RORA: variants seen among roughly 807,000 people sequenced by gnomAD.
The protein encoded by RORA is RAR related orphan receptor A.
Under a neutral mutation model 69.5 loss-of-function variants are expected in RORA, and 7 were observed. That is an observed-to-expected ratio of 0.10 (90% CI 0.06 to 0.19). The LOEUF is 0.19. Ranked by LOEUF, RORA falls within the 10% of genes least tolerant of loss-of-function variation. The pLI is 1.00. For synonymous variants in RORA, 261 were observed against 240.8 expected (o/e 1.08, Z -0.78); for missense variants, 457 against 663.0 (o/e 0.69, Z 3.41).
intron 2 of RORA, among the ~76,000 whole-genome samples, chr15:60,565,724 C>T (rs540359075): frequency 6.6e-6 from 1 of 152,186 alleles, no homozygotes. Context: ...TTGGTACAAA[C>T]ATATATAGAT....
chr15:60,656,362 G>A (rs773936092), intron 2 of RORA, among the ~76,000 whole-genome samples: 11 of 152,182 alleles, frequency 7.2e-5, no homozygotes, highest in South Asian at 2.1e-4. Flanking sequence ...TACAAAAACA[G>A]ACAGACACCA....
intron 1 of RORA, among the ~76,000 whole-genome samples, chr15:61,015,000 GATTCTCAGC>G (rs1403529112): frequency 5.3e-5 from 8 of 152,076 alleles, no homozygotes; most frequent in African/African-American, 1.9e-4. Context: ...CAGCATCTTT[GATTCTCAGC>G]ATTTACAGCA....
intron 1 of RORA, among the ~76,000 whole-genome samples, chr15:61,066,947 C>T (rs2078269764): frequency 6.9e-6 from 1 of 145,166 alleles, no homozygotes; most frequent in Admixed American, 6.9e-5. Flanking sequence ...CCACTGAGCA[C>T]TGTCATTTTT....
At chr15:61,016,752 C>T (rs1895303645) in intron 1 of RORA, among the ~76,000 whole-genome samples, 1 of 152,100 alleles carries the variant, frequency 6.6e-6, no homozygotes, top group African/African-American at 2.4e-5. Context: ...AGACAAGTCA[C>T]TGGGCAATTA....
At chr15:60,641,987 T>C (rs2069952876) in intron 2 of RORA, among the ~76,000 whole-genome samples, 1 of 152,190 alleles carries the variant, frequency 6.6e-6, no homozygotes, top group African/African-American at 2.4e-5. Flanking sequence ...GCAAACCTAT[T>C]TAGAGTTTGC....
chr15:60,535,539 T>C (rs1266317566), intron 2 of RORA, among the ~76,000 whole-genome samples: 1 of 152,162 alleles, frequency 6.6e-6, no homozygotes, highest in Non-Finnish European at 1.5e-5. Flanking sequence ...TAGGCTGTCA[T>C]TTAGCACTGC....
At chr15:60,818,782 G>T (rs543452489) in intron 1 of RORA, among the ~76,000 whole-genome samples, 1 of 152,284 alleles carries the variant, frequency 6.6e-6, no homozygotes, top group East Asian at 1.9e-4. Flanking sequence ...TTGGCTCTTG[G>T]TTTGTCTTTC....
At chr15:60,624,717 CT>C (rs1049700525) in intron 2 of RORA, among the ~76,000 whole-genome samples, 6 of 151,838 alleles carry the variant, frequency 4.0e-5, no homozygotes, top group African/African-American at 1.5e-4. Flanking sequence ...TCCTGGTCAC[CT>C]TTCAGGCAAT....
At position 60,790,963 on chromosome 15, in the gene RORA, GC is replaced by G. The variant is rs35079596; in HGVS notation, c.167-112278del. On this transcript the variant is annotated intron_variant, in intron 1 of 10. Transcript: ENST00000335670. ...TATGACCTTCAGAGGCCCTAGAAAC[GC>G]CCCCCCATTGCCCCCCCAAAAAGCT... 6.7e-4 allele frequency among the ~76,000 whole-genome samples: 102 copies of G among 151,734 alleles called. 1 individual carries two copies. The East Asian group carries it at 9.7e-3, about 14-fold the overall frequency.
At chr15:60,719,441 T>G (rs911959572) in intron 1 of RORA, among the ~76,000 whole-genome samples, 4 of 152,016 alleles carry the variant, frequency 2.6e-5, no homozygotes, top group African/African-American at 9.7e-5. Flanking sequence ...ATTTTCACAA[T>G]AAAAGATTAA....
At chr15:60,518,603 G>A (rs892935353) in intron 3 of RORA, among the ~76,000 whole-genome samples, 1 of 152,150 alleles carries the variant, frequency 6.6e-6, no homozygotes, top group Non-Finnish European at 1.5e-5. Flanking sequence ...TACGCTTCTC[G>A]CCATGATTCC....
At chr15:61,074,419 C>G (rs1350528456) in intron 1 of RORA, among the ~76,000 whole-genome samples, 1 of 152,194 alleles carries the variant, frequency 6.6e-6, no homozygotes, top group Non-Finnish European at 1.5e-5. Context: ...ACAATCCACT[C>G]AGTGATACAG....
chr15:60,601,973 T>C (rs1596042253), intron 2 of RORA, among the ~76,000 whole-genome samples: 1 of 152,168 alleles, frequency 6.6e-6, no homozygotes, highest in South Asian at 2.1e-4. Flanking sequence ...ACAGTATACA[T>C]TATTGAGAAA....
chr15:61,171,443 G>C (rs754080102), intron 1 of RORA, among the ~76,000 whole-genome samples: 8 of 152,140 alleles, frequency 5.3e-5, no homozygotes, highest in Non-Finnish European at 1.0e-4. Flanking sequence ...TTTCAAATAA[G>C]AACCCAGGTG....
In RORA at chr15:61,226,673, A is replaced by T. The variant is rs1301479210; in HGVS notation, c.166+2380T>A. Among the ~76,000 whole-genome samples, 4 of 152,230 alleles carry T rather than the reference A, an allele frequency of 2.6e-5. No homozygotes were observed. Among genetic ancestry groups the T allele is most frequent in the Non-Finnish European group, 5.9e-5 (4 of 68,046 alleles). On this transcript the variant is annotated intron_variant, in intron 1 of 10. Coordinates refer to ENST00000335670, the MANE Select transcript of RORA (RefSeq NM_134261.3). The surrounding 1 kb of genome is among the most constrained non-coding windows in gnomAD (Gnocchi z 4.2). ...ATCTGAGGTTAAAGTCTGCAAATGC[A>T]CATAATTTCTGGAAGCTATTACTAC...
chr15:60,974,082 G>A (rs755720959), intron 1 of RORA, among the ~76,000 whole-genome samples: 2 of 152,206 alleles, frequency 1.3e-5, no homozygotes, highest in Non-Finnish European at 2.9e-5. Flanking sequence ...GGGGGTAAAT[G>A]AGCAGATGAA....
intron 1 of RORA, among the ~76,000 whole-genome samples, chr15:60,913,333 C>T (rs573435634): frequency 6.6e-6 from 1 of 152,330 alleles, no homozygotes; most frequent in Admixed American, 6.5e-5. Flanking sequence ...CCTCTGGTTT[C>T]TAGAGCCAGT....
chr15:61,022,381 C>T (rs1895571476), intron 1 of RORA, among the ~76,000 whole-genome samples: 1 of 152,134 alleles, frequency 6.6e-6, no homozygotes. Flanking sequence ...GCAATTGTGT[C>T]ACATGCTAAG....
rs376142482 is a variant in RORA at position 60,540,574 on chromosome 15, C to CGCCG, written c.197-8724_197-8723insCGGC. 4.6e-3 allele frequency among the ~76,000 whole-genome samples: 473 copies of CGCCG among 102,478 alleles called. 42 individuals carry two copies. The highest frequency in any genetic ancestry group is 0.027 in the South Asian group (91 of 3,382). The allele number at this position is 102,478 out of a possible 152,430, so 67.2% of individuals were successfully genotyped here. ...TGCACAATTTCCATGACCCCCCCCC[C>CGCCG]CCAAAACTGTGCGGTCACAAAACCC... On this transcript the variant is annotated intron_variant, in intron 2 of 10. Coordinates refer to ENST00000335670, the MANE Select transcript of RORA (RefSeq NM_134261.3).
Sources: allele counts gnomAD v4.1 joint callset (sites outside exome capture counted in the v4.1 genomes callset), GRCh38; gene constraint gnomAD v4.1.1; non-coding constraint Gnocchi (gnomAD v3.1); transcripts MANE v1.5; gene names NCBI Gene and HGNC (gene_info 2026-07-23, HGNC 2026-07-21).